Variants in NUB1 observed in about 807,000 individuals in gnomAD.
NUB1 encodes the protein negative regulator of ubiquitin like proteins 1.
In NUB1, 41 loss-of-function variants were observed where a neutral mutation model predicts 77.1. That is an observed-to-expected ratio of 0.53 (90% CI 0.41 to 0.69). The LOEUF (loss-of-function observed/expected upper bound fraction) is 0.69, where lower values mean the gene tolerates loss of function less well. Ranked by LOEUF, NUB1 falls within the 30% of genes least tolerant of loss-of-function variation. The pLI is 0.00. For synonymous variants in NUB1, 257 were observed against 281.0 expected (o/e 0.91, Z 0.85); for missense variants, 643 against 743.8 (o/e 0.86, Z 1.58).
At chr7:151,354,326 T>C (rs1470422591) in intron 5 of NUB1, among the ~76,000 whole-genome samples, 1 of 151,446 alleles carries the variant, frequency 6.6e-6, no homozygotes, top group East Asian at 1.9e-4. Context: ...CCCTTGCTTT[T>C]TTTTTTTTTT....
chr7:151,356,828 C>T (rs559483332), intron 7 of NUB1, among the ~76,000 whole-genome samples: 1 of 152,302 alleles, frequency 6.6e-6, no homozygotes, highest in African/African-American at 2.4e-5. Context: ...AGTGATTCTC[C>T]TGCCTCAGCC....
At chr7:151,376,567 TA>T in intron 13 of NUB1, 66 bp from the exon 14 acceptor site, 1 of 1,451,958 alleles carries the variant, frequency 6.9e-7, no homozygotes, top group Non-Finnish European at 9.3e-7. Flanking sequence ...TGTCCACTCG[TA>T]TGGCTGACGG....
chr7:151,350,313 C>T (rs1334883759), intron 3 of NUB1, among the ~76,000 whole-genome samples: 1 of 152,242 alleles, frequency 6.6e-6, no homozygotes, highest in Non-Finnish European at 1.5e-5. Flanking sequence ...GGTGGTGGAG[C>T]AGAGTCTTCT....
chr7:151,347,118 TATA>T lies in NUB1; in HGVS notation c.117+1656_117+1658del, dbSNP rs1796536116. Among the ~76,000 whole-genome samples, 3 of 152,168 alleles carry T rather than the reference TATA, an allele frequency of 2.0e-5. No individual in the cohort carries two copies. The South Asian group carries it at 6.2e-4, about 31-fold the overall frequency. ...TATAGAAAGTTTTTAAAAAAGTATT[TATA>T]ATATATATTCTAGGTTTTAAAAAGT... On this transcript the variant is annotated intron_variant, in intron 2 of 14. Coordinates refer to ENST00000568733, the MANE Select transcript of NUB1 (RefSeq NM_001243351.2).
intron 3 of NUB1, among the ~76,000 whole-genome samples, chr7:151,350,254 C>T (rs572984430): frequency 6.6e-6 from 1 of 152,382 alleles, no homozygotes; most frequent in African/African-American, 2.4e-5. Flanking sequence ...ACGTTTAGGC[C>T]TCTGGATGGC....
At chr7:151,368,709 T>A (rs769519458) in intron 10 of NUB1, 26 bp from the exon 11 acceptor site, 26 of 1,582,630 alleles carry the variant, frequency 1.6e-5, no homozygotes, top group South Asian at 3.5e-5. Context: ...CGTGGTTACA[T>A]GATTCTTACA....
chr7:151,377,327 T>G lies in NUB1; in HGVS notation c.*102T>G. On this transcript the variant is annotated 3_prime_UTR_variant, in exon 15 of 15. Transcript: ENST00000568733. ...TCTTACTTTTTATCTGAATTACAAG[T>G]CCTCTTTGGGTGTAGGAGGGGGTGG... 59 of 671,306 alleles carry G rather than the reference T, an allele frequency of 8.8e-5. No homozygotes were observed. The highest frequency in any genetic ancestry group is 1.1e-4 in the Admixed American group (3 of 28,234). The allele number at this position is 671,306 out of a possible 1,614,324, so 41.6% of individuals were successfully genotyped here.
chr7:151,368,947 C>T, intron 11 of NUB1, 60 bp downstream of exon 11: 2 of 1,503,192 alleles, frequency 1.3e-6, no homozygotes, highest in Non-Finnish European at 1.8e-6. Context: ...AAGATAATCC[C>T]ACAGGAGTGT....
rs139694544 is a variant in NUB1, at chr7:151,374,962, G to A, written c.1395+719G>A. 4.3e-3 allele frequency among the ~76,000 whole-genome samples: 648 copies of A among 151,942 alleles called. 8 individuals are homozygous for A. Among genetic ancestry groups the A allele is most frequent in the African/African-American group, 0.015 (609 of 41,434 alleles). ...CAGTCCAGACAGATGCTGGGGCAGCGCGGCGGGCAGGAAGCAGAGTGGTAG... is the reference window on the plus strand; with the variant it reads ...CAGTCCAGACAGATGCTGGGGCAGCACGGCGGGCAGGAAGCAGAGTGGTAG... On this transcript the variant is annotated intron_variant, in intron 12 of 14. Coordinates refer to ENST00000568733, the MANE Select transcript of NUB1 (RefSeq NM_001243351.2).
chr7:151,360,521 G>A (rs1797325429), intron 8 of NUB1: 1 of 318,462 alleles, frequency 3.1e-6, no homozygotes, highest in South Asian at 9.2e-5. Flanking sequence ...CCATTATAAA[G>A]TTTCCTGTCA....
intron 11 of NUB1, among the ~76,000 whole-genome samples, chr7:151,372,750 A>G (rs1584971967): frequency 6.6e-6 from 1 of 152,134 alleles, no homozygotes; most frequent in African/African-American, 2.4e-5. Context: ...GCTTTCAGGT[A>G]GGTGACTGGA....
At chr7:151,347,189 A>G (rs1796540220) in intron 2 of NUB1, among the ~76,000 whole-genome samples, 1 of 152,190 alleles carries the variant, frequency 6.6e-6, no homozygotes, top group Non-Finnish European at 1.5e-5. Flanking sequence ...TTTTTAAAAT[A>G]TGTTAAACAT....
intron 9 of NUB1, among the ~76,000 whole-genome samples, chr7:151,367,459 A>G (rs1270880958): frequency 6.6e-6 from 1 of 152,212 alleles, no homozygotes; most frequent in African/African-American, 2.4e-5. Context: ...TAGACATTTC[A>G]GCAGTAATGG....
rs747040612 is a variant in NUB1, at chr7:151,351,449, G to A, written c.311G>A (p.Arg104Gln). ...KKDRKNLLET[R>Q]LHITGRELRS... Reference sequence around the variant, plus strand: ...GATAGGAAAAACTTGTTGGAGACCCGATTGCACATCACTGGCAGAGAACTG... The same window carrying A: ...GATAGGAAAAACTTGTTGGAGACCCAATTGCACATCACTGGCAGAGAACTG... Residue 104 changes from arginine (R) to glutamine (Q), a missense_variant, in exon 4 of 15, where the codon CGA (arginine) becomes CAA (glutamine). Transcript: ENST00000568733. 6 of 1,612,948 alleles carry A rather than the reference G, an allele frequency of 3.7e-6. 1 individual carries two copies. The highest frequency in any genetic ancestry group is 4.5e-5 in the East Asian group (2 of 44,868).
In NUB1 at chr7:151,356,148, C is replaced by A. The variant is rs1797053689; in HGVS notation, c.619C>A (p.Pro207Thr). The A allele has an allele frequency of 6.2e-7, 1 of 1,613,672 alleles. No individual in the cohort carries two copies. ...AKRAAETVVD[P>T]EMTPYLDIAN... ...TACAGCAGCAGAGACAGTGGTGGAT[C>A]CAGAAATGACACCGTACTTAGACAT... is the stretch of plus-strand genomic sequence containing the variant. The change falls in exon 7 of 15, where the codon CCA (proline) becomes ACA (threonine). Residue 207 changes from proline to threonine, a missense_variant. Coordinates refer to ENST00000568733, the MANE Select transcript of NUB1 (RefSeq NM_001243351.2).
At chr7:151,374,365 C>A in intron 12 of NUB1, 122 bp downstream of exon 12, 1 of 1,278,050 alleles carries the variant, frequency 7.8e-7, no homozygotes, top group Non-Finnish European at 1.1e-6. Flanking sequence ...TCATCCGGAT[C>A]TGAAGGGCAG....
At chr7:151,351,916 A>ATCACAC (rs60437024) in intron 4 of NUB1, among the ~76,000 whole-genome samples, 141 of 150,912 alleles carry the variant, frequency 9.3e-4, no homozygotes, top group South Asian at 4.0e-3. Flanking sequence ...CCATCTGTAA[A>ATCACAC]ACACACACAC....
At chr7:151,352,305 A>G in intron 4 of NUB1, 2 of 363,196 alleles carry the variant, frequency 5.5e-6, no homozygotes, top group South Asian at 4.0e-5. Flanking sequence ...AAAGTTTAAA[A>G]AGGACCTTGT....
chr7:151,350,616 A>T (rs1294412286), intron 3 of NUB1, among the ~76,000 whole-genome samples: 1 of 152,260 alleles, frequency 6.6e-6, no homozygotes, highest in Non-Finnish European at 1.5e-5. Flanking sequence ...TGAAATAAAG[A>T]GTAATACTAC....
Sources: gnomAD v4.1 joint callset for allele counts (sites outside exome capture counted in the v4.1 genomes callset) on GRCh38, gnomAD v4.1.1 for gene constraint, MANE v1.5 for transcripts, NCBI Gene and HGNC (gene_info 2026-07-23, HGNC 2026-07-21) for gene names.